Variants in HMGN5 observed in about 807,000 individuals in gnomAD.
HMGN5 encodes the protein high mobility group nucleosome-binding domain-containing protein 5.
Under a neutral mutation model 9.5 loss-of-function variants are expected in HMGN5, and 4 were observed. The observed-to-expected ratio is 0.42, with a 90% CI of 0.21 to 0.96. The LOEUF (loss-of-function observed/expected upper bound fraction) is 0.96, where lower values mean the gene tolerates loss of function less well. HMGN5 is among the 40% of genes least tolerant of loss of function. HMGN5 has a pLI of 0.30. For synonymous variants in HMGN5, 55 were observed against 57.1 expected (o/e 0.96, Z 0.16); for missense variants, 192 against 187.5 (o/e 1.02, Z -0.14).
At chrX:81,167,508 T>C (rs1218752494) in intron 1 of HMGN5, among the ~76,000 whole-genome samples, 2 of 111,317 alleles carry the variant, frequency 1.8e-5, no homozygotes, top group Non-Finnish European at 3.8e-5. Context: ...AGCAAAAGTT[T>C]CACAAAATAA....
intron 1 of HMGN5, among the ~76,000 whole-genome samples, chrX:81,149,975 C>A (rs1303193063): frequency 9.0e-6 from 1 of 111,537 alleles, no homozygotes; most frequent in Non-Finnish European, 1.9e-5. Flanking sequence ...CCTCAACACC[C>A]CACTCTCAGC....
At chrX:81,184,292 C>A (rs544733488) in intron 1 of HMGN5, among the ~76,000 whole-genome samples, 1 of 111,542 alleles carries the variant, frequency 9.0e-6, no homozygotes, top group Admixed American at 9.6e-5. Flanking sequence ...TGCCCCCTTG[C>A]TCCTGCTCTG....
chrX:81,155,585 T>G (rs759867504), intron 1 of HMGN5, among the ~76,000 whole-genome samples: 6 of 111,631 alleles, frequency 5.4e-5, no homozygotes, highest in Non-Finnish European at 9.4e-5. Flanking sequence ...TGTAAAGGAA[T>G]GAACAATTGC....
intron 1 of HMGN5, among the ~76,000 whole-genome samples, chrX:81,145,731 A>T (rs958465168): frequency 9.0e-6 from 1 of 111,552 alleles, no homozygotes. Context: ...GTCAAGACCC[A>T]TCTGTGTGCT....
rs2075528244 is a variant in HMGN5 at position 81,201,881 on chromosome X, G to T, written c.-268C>A. ...CTCCTTTTTCTTTCTTCTTCTCCTC[G>T]CCCTCTTCTCAGGGAAGGAATCGTC... is the stretch of plus-strand genomic sequence containing the variant. On this transcript the variant is annotated 5_prime_UTR_variant, in exon 1 of 7. Coordinates refer to ENST00000358130, the MANE Select transcript of HMGN5 (RefSeq NM_030763.3). 3.6e-6 allele frequency: 1 copy of T among 279,022 alleles called. No homozygotes were observed. The highest frequency in any genetic ancestry group is 7.7e-5 in the East Asian group (1 of 13,049). The allele number at this position is 279,022 out of a possible 1,213,427, so 23.0% of individuals were successfully genotyped here.
chrX:81,165,102 A>G (rs1386809935), intron 1 of HMGN5, among the ~76,000 whole-genome samples: 2 of 111,454 alleles, frequency 1.8e-5, no homozygotes, highest in South Asian at 7.5e-4. Flanking sequence ...ATCTGACATC[A>G]AATATTGAAA....
chrX:81,121,462 C>T (rs1602556171), intron 2 of HMGN5, 73 bp downstream of exon 2: 5 of 1,055,542 alleles, frequency 4.7e-6, no homozygotes, highest in Non-Finnish European at 5.3e-6. Flanking sequence ...ACCAAACAAA[C>T]AAATAAATTC....
chrX:81,195,643 C>A (rs968623881), intron 1 of HMGN5, among the ~76,000 whole-genome samples: 1 of 111,527 alleles, frequency 9.0e-6, no homozygotes, highest in African/African-American at 3.3e-5. Flanking sequence ...TTATTCGCTC[C>A]TCCTCTGGAG....
intron 1 of HMGN5, among the ~76,000 whole-genome samples, chrX:81,132,487 G>C (rs1305528257): frequency 9.0e-6 from 1 of 110,902 alleles, no homozygotes; most frequent in African/African-American, 3.3e-5. Context: ...TAACCAAACA[G>C]CATGGTACTG....
At chrX:81,148,488 G>C (rs955958046) in intron 1 of HMGN5, among the ~76,000 whole-genome samples, 1 of 111,898 alleles carries the variant, frequency 8.9e-6, no homozygotes, top group Non-Finnish European at 1.9e-5. Context: ...ATTCAAGATG[G>C]ATTAAAGGCT....
intron 1 of HMGN5, among the ~76,000 whole-genome samples, chrX:81,128,294 G>A (rs2075290063): frequency 9.0e-6 from 1 of 111,137 alleles, no homozygotes; most frequent in African/African-American, 3.3e-5. Flanking sequence ...AAATGGACAT[G>A]CTCAATTCTC....
intron 1 of HMGN5, among the ~76,000 whole-genome samples, chrX:81,182,665 T>C (rs913822979): frequency 1.8e-5 from 2 of 112,481 alleles, no homozygotes; most frequent in African/African-American, 6.5e-5. Context: ...TAGATGCTGC[T>C]ATGCTTCCTG....
chrX:81,188,008 T>C (rs1032869298), intron 1 of HMGN5, among the ~76,000 whole-genome samples: 1 of 111,216 alleles, frequency 9.0e-6, no homozygotes, highest in African/African-American at 3.3e-5. Context: ...TTAAAAACCA[T>C]ACATATTAAC....
intron 1 of HMGN5, among the ~76,000 whole-genome samples, chrX:81,165,744 C>A (rs1002480790): frequency 9.9e-5 from 11 of 111,484 alleles, no homozygotes; most frequent in Admixed American, 8.6e-4. Flanking sequence ...GTTTGAATGA[C>A]TTAAGTAAAT....
chrX:81,149,387 C>G (rs2075354513), intron 1 of HMGN5, among the ~76,000 whole-genome samples: 1 of 111,539 alleles, frequency 9.0e-6, no homozygotes, highest in South Asian at 3.8e-4. Flanking sequence ...CACAGAAAAC[C>G]AAACACTGCA....
At chrX:81,190,555 G>T (rs1362028438) in intron 1 of HMGN5, among the ~76,000 whole-genome samples, 1 of 111,056 alleles carries the variant, frequency 9.0e-6, no homozygotes. Flanking sequence ...CATATTCTCT[G>T]TAAGAAATTT....
rs1218393352 is a variant in HMGN5, at chrX:81,121,593, C to G, written c.-44G>C. The G allele has an allele frequency of 8.2e-6, 9 of 1,093,650 alleles. No individual in the cohort carries two copies. In the South Asian group the frequency reaches 1.7e-4, roughly 21 times the overall value. The allele number at this position is 1,093,650 out of a possible 1,213,427, so 90.1% of individuals were successfully genotyped here. On this transcript the variant is annotated 5_prime_UTR_variant, in exon 2 of 7. Coordinates refer to ENST00000358130, the MANE Select transcript of HMGN5 (RefSeq NM_030763.3). ...GAGATCTTAGTCAGCAGAAAAAAAG[C>G]CGAAGGCAGTCACTGCCTGACTGCT...
At chrX:81,196,813 T>A (rs1402729772) in intron 1 of HMGN5, among the ~76,000 whole-genome samples, 1 of 111,134 alleles carries the variant, frequency 9.0e-6, no homozygotes, top group Non-Finnish European at 1.9e-5. Flanking sequence ...GTGCTGGGAT[T>A]ACAGGCGTGA....
intron 1 of HMGN5, among the ~76,000 whole-genome samples, chrX:81,193,869 G>C (rs929528825): frequency 9.0e-6 from 1 of 111,391 alleles, no homozygotes; most frequent in Non-Finnish European, 1.9e-5. Flanking sequence ...TGAATAGTCA[G>C]GACACTTCAT....
Sources: gnomAD v4.1 joint callset for allele counts (sites outside exome capture counted in the v4.1 genomes callset) on GRCh38, gnomAD v4.1.1 for gene constraint, MANE v1.5 for transcripts, NCBI Gene and HGNC (gene_info 2026-07-23, HGNC 2026-07-21) for gene names.